Variants in DPP6 observed in about 807,000 individuals in gnomAD.
DPP6 encodes the protein dipeptidyl peptidase like 6, also known as A-type potassium channel modulatory protein DPP6.
In DPP6, 69 loss-of-function variants were observed where a neutral mutation model predicts 122.6. The ratio of observed to expected loss-of-function variants is 0.56; its 90% CI spans 0.46 to 0.69. DPP6 has a LOEUF of 0.69. DPP6 is among the 30% of genes least tolerant of loss of function. The probability of loss-of-function intolerance (pLI) is 0.00; values close to 1 mark genes in which losing one functional copy is unlikely to be tolerated. For synonymous variants in DPP6, 418 were observed against 433.1 expected (o/e 0.97, Z 0.43); for missense variants, 928 against 1,116.9 (o/e 0.83, Z 2.41).
At chr7:154,184,986 G>C (rs756843798) in intron 1 of DPP6, among the ~76,000 whole-genome samples, 1 of 152,126 alleles carries the variant, frequency 6.6e-6, no homozygotes, top group African/African-American at 2.4e-5. Flanking sequence ...TCTGGGAGCC[G>C]ATTTAAGTCT....
At chr7:154,352,411 C>G (rs1424989575) in intron 1 of DPP6, among the ~76,000 whole-genome samples, 1 of 151,474 alleles carries the variant, frequency 6.6e-6, no homozygotes. Context: ...TGCAGTGAGC[C>G]GAGATCATGC....
At chr7:154,151,666 T>G (rs181477275) in intron 1 of DPP6, among the ~76,000 whole-genome samples, 1 of 152,006 alleles carries the variant, frequency 6.6e-6, no homozygotes, top group Non-Finnish European at 1.5e-5. Context: ...TGAAGTACAG[T>G]GCGTGCGTGC....
chr7:154,596,484 A>G (rs1833100906), intron 5 of DPP6, among the ~76,000 whole-genome samples: 1 of 152,264 alleles, frequency 6.6e-6, no homozygotes, highest in Non-Finnish European at 1.5e-5. Flanking sequence ...GGATTTCCAC[A>G]AGTCTTTATG....
chr7:154,644,623 C>G (rs1195506848), intron 6 of DPP6, among the ~76,000 whole-genome samples: 2 of 151,868 alleles, frequency 1.3e-5, no homozygotes, highest in Non-Finnish European at 2.9e-5. Context: ...TCACAGCTGC[C>G]GGAAGTTACA....
At chr7:153,803,360 A>G in the DPP6 span, among the ~76,000 whole-genome samples, 234 of 151,500 alleles carry the variant, frequency 1.5e-3, 3 homozygotes, top group East Asian at 0.039. Context: ...TCAGTAAAGC[A>G]GAGAGCCTTC....
intron 1 of DPP6, among the ~76,000 whole-genome samples, chr7:154,337,192 T>G (rs1363279850): frequency 6.6e-6 from 1 of 152,210 alleles, no homozygotes; most frequent in African/African-American, 2.4e-5. Context: ...CAAGTGACTT[T>G]CAGTGATGCT....
chr7:153,892,416 C>T (rs536535514), intron 1 of DPP6, among the ~76,000 whole-genome samples: 1 of 152,104 alleles, frequency 6.6e-6, no homozygotes, highest in Non-Finnish European at 1.5e-5. Context: ...CAGGTTCAAG[C>T]AATCCTCTTA....
At chr7:154,371,334 G>A (rs1238523258) in intron 1 of DPP6, among the ~76,000 whole-genome samples, 3 of 119,320 alleles carry the variant, frequency 2.5e-5, no homozygotes, top group Admixed American at 1.2e-4. Context: ...AGCCGAGATT[G>A]TGCCACTGCA....
chr7:154,013,510 A>C lies in DPP6; in HGVS notation c.51+125776A>C, dbSNP rs939647527. Among the ~76,000 whole-genome samples, 130 of 151,570 alleles carry C rather than the reference A, an allele frequency of 8.6e-4. 1 individual carries two copies. Among genetic ancestry groups the C allele is most frequent in the Middle Eastern group, 3.4e-3 (1 of 294 alleles). On this transcript the variant is annotated intron_variant, in intron 1 of 25. Coordinates refer to the DPP6 transcript ENST00000404039. ...GGTCTTTGTTCTAGAAGTTAAAAAA[A>C]AACAACATACAACCAAATATAGTTA...
rs1802394832 is a variant in DPP6 at position 154,063,526 on chromosome 7, G to T, written c.243+10463G>T. Among the ~76,000 whole-genome samples the T allele has an allele frequency of 2.3e-5, 3 of 132,634 alleles. 1 individual carries two copies. The Admixed American group carries it at 2.4e-4, about 10-fold the overall frequency. The allele number at this position is 132,634 out of a possible 152,430, so 87.0% of individuals were successfully genotyped here. On this transcript the variant is annotated intron_variant, in intron 1 of 25. Coordinates refer to ENST00000377770, the MANE Select transcript of DPP6 (RefSeq NM_130797.4). ...CTTAAGACCCCCATCGCAGGAGGGGGAGGCACCCCCCGCGAGGGTGGGGAC... is the reference window on the plus strand; with the variant it reads ...CTTAAGACCCCCATCGCAGGAGGGGTAGGCACCCCCCGCGAGGGTGGGGAC...
At chr7:154,212,462 C>T (rs1799791129) in intron 1 of DPP6, among the ~76,000 whole-genome samples, 1 of 152,182 alleles carries the variant, frequency 6.6e-6, no homozygotes, top group Non-Finnish European at 1.5e-5. Context: ...TCAAACCTGA[C>T]CAACTTTTCC....
chr7:154,089,847 C>CTATTGTCAGTTTG (rs1804680172), intron 1 of DPP6, among the ~76,000 whole-genome samples: 1 of 152,120 alleles, frequency 6.6e-6, no homozygotes, highest in African/African-American at 2.4e-5. Flanking sequence ...ATTTCACTAG[C>CTATTGTCAGTTTG]ACAATTATCA....
At chr7:154,594,481 C>T (rs934042242) in intron 5 of DPP6, among the ~76,000 whole-genome samples, 6 of 152,036 alleles carry the variant, frequency 3.9e-5, no homozygotes, top group African/African-American at 1.4e-4. Flanking sequence ...AGTTAAATTC[C>T]CCTTAGATAG....
chr7:154,329,352 A>T (rs1337261542), intron 1 of DPP6, among the ~76,000 whole-genome samples: 2 of 152,208 alleles, frequency 1.3e-5, no homozygotes, highest in Non-Finnish European at 2.9e-5. Flanking sequence ...GTGATCAGGG[A>T]CGATGAGCTT....
intron 16 of DPP6, among the ~76,000 whole-genome samples, chr7:154,823,125 G>A (rs890515676): frequency 1.3e-5 from 2 of 152,144 alleles, no homozygotes; most frequent in Admixed American, 6.5e-5. Flanking sequence ...TTCTCATATT[G>A]TGAGTAGCCA....
At chr7:154,503,717 A>G (rs1322376485) in intron 3 of DPP6, among the ~76,000 whole-genome samples, 1 of 152,156 alleles carries the variant, frequency 6.6e-6, no homozygotes, top group Non-Finnish European at 1.5e-5. Context: ...CAGATGTTTG[A>G]TTTTTTGGGG....
intron 1 of DPP6, among the ~76,000 whole-genome samples, chr7:154,173,581 C>T (rs746601896): frequency 6.6e-6 from 1 of 152,120 alleles, no homozygotes; most frequent in Non-Finnish European, 1.5e-5. Context: ...CTTCCACCTC[C>T]CGCTGCTCCC....
At chr7:154,583,775 G>T (rs1282223558) in intron 5 of DPP6, among the ~76,000 whole-genome samples, 7 of 152,200 alleles carry the variant, frequency 4.6e-5, no homozygotes, top group African/African-American at 1.7e-4. Context: ...TCTGACTCGG[G>T]TGTCAGACCT....
intron 7 of DPP6, among the ~76,000 whole-genome samples, chr7:154,683,511 A>G (rs2131179327): frequency 6.6e-6 from 1 of 152,114 alleles, no homozygotes; most frequent in South Asian, 2.1e-4. Context: ...CCATCACCTC[A>G]TGCCTAGGTT....
Sources: gnomAD v4.1 joint callset for allele counts (sites outside exome capture counted in the v4.1 genomes callset) on GRCh38, gnomAD v4.1.1 for gene constraint, MANE v1.5 for transcripts, NCBI Gene and HGNC (gene_info 2026-07-23, HGNC 2026-07-21) for gene names.